TAF1C: variants seen among roughly 807,000 people sequenced by gnomAD.
The protein encoded by TAF1C is TATA-box binding protein associated factor, RNA polymerase I subunit C.
A neutral mutation model predicts 70.5 loss-of-function variants in TAF1C; 79 were observed. The observed-to-expected ratio is 1.12, with a 90% CI of 0.93 to 1.35. The LOEUF is 1.35. Among genes scored for constraint, TAF1C ranks in the 40% most tolerant of loss-of-function variants. TAF1C has a pLI of 0.00. For synonymous variants in TAF1C, 614 were observed against 491.1 expected (o/e 1.25, Z -3.31); for missense variants, 1,412 against 1,127.8 (o/e 1.25, Z -3.61).
Position 84,178,954 on chromosome 16 carries a change from C to T in TAF1C, c.2519G>A (p.Arg840Gln), listed in dbSNP as rs769131338. Residue 840 changes from arginine (R) to glutamine (Q), a missense_variant, in exon 15 of 15, where the codon CGA becomes CAA. Coordinates refer to ENST00000566732, the MANE Select transcript of TAF1C (RefSeq NM_001243156.2). ...SSSQPLRKKP[R>Q]MGF ...CACCTTGTGTCCTCAGAAGCCCATTCGAGGCTTCTTCCGGAGGGGCTGAGA... is the reference window on the plus strand; with the variant it reads ...CACCTTGTGTCCTCAGAAGCCCATTTGAGGCTTCTTCCGGAGGGGCTGAGA... 1.4e-5 allele frequency: 23 copies of T among 1,606,434 alleles called. 1 individual carries two copies. The highest frequency in any genetic ancestry group is 4.5e-5 in the East Asian group (2 of 44,864).
chr16:84,180,010 T>C lies in TAF1C; in HGVS notation c.1557A>G (p.Ala519=), dbSNP rs775928471. 3 of 1,611,842 alleles carry C rather than the reference T, an allele frequency of 1.9e-6. No homozygotes were observed. The highest frequency in any genetic ancestry group is 1.3e-5 in the African/African-American group (1 of 74,952). ...SLPSRIDSLP[A]FPLLEPKIQW... ...GGATCTTAGGCTCCAGCAGAGGAAA[T>C]GCAGGGAGGGAGTCGATCCTGGAAG... The change falls in exon 14 of 15, where the codon GCA becomes GCG. Residue 519 remains alanine (A), a synonymous_variant. Transcript: ENST00000566732.
Position 84,183,145 on chromosome 16 carries a change from C to T in TAF1C, c.413G>A (p.Arg138His), listed in dbSNP as rs762636771. 30 of 1,613,938 alleles carry T rather than the reference C, an allele frequency of 1.9e-5. No individual in the cohort carries two copies. The highest frequency in any genetic ancestry group is 1.1e-4 in the African/African-American group (8 of 74,912). Reference sequence around the variant, plus strand: ...ACTGACCACTGTCTTCTTCTTAGTGCGGCTCTGCATGGAAAGGCCTTGTCA... The same window carrying T: ...ACTGACCACTGTCTTCTTCTTAGTGTGGCTCTGCATGGAAAGGCCTTGTCA... Reference protein sequence around the residue: ...ENFKLEGAGSRTKKKTVVSVK... With the variant: ...ENFKLEGAGSHTKKKTVVSVK... The change falls in exon 6 of 15, where the codon CGC becomes CAC. Residue 138 changes from arginine to histidine, a missense_variant. Arg to His is a conservative substitution (Grantham distance 29). Coordinates refer to ENST00000566732, the MANE Select transcript of TAF1C (RefSeq NM_001243156.2).
In TAF1C at chr16:84,183,181, C is replaced by G. The variant is rs778404059; in HGVS notation, c.409-32G>C. The G allele has an allele frequency of 1.1e-5, 17 of 1,613,886 alleles. No individual in the cohort carries two copies. The East Asian group carries it at 3.8e-4, about 36-fold the overall frequency. On this transcript the variant is annotated intron_variant, in intron 5 of 14. Transcript: ENST00000566732. Reference sequence around the variant, plus strand: ...GGAAAGGCCTTGTCAGGCTCACACACCCTCGAGTTCACCCCTGAAGGACAG... The same window carrying G: ...GGAAAGGCCTTGTCAGGCTCACACAGCCTCGAGTTCACCCCTGAAGGACAG...
At position 84,178,140 on chromosome 16, in the gene TAF1C, A is replaced by G. The variant is rs149804656; in HGVS notation, c.*801T>C. The G allele has an allele frequency of 4.7e-3, 1,867 of 397,796 alleles. 10 individuals carry two copies. Among genetic ancestry groups the G allele is most frequent in the South Asian group, 0.013 (633 of 48,584 alleles). 24.6% of individuals were successfully genotyped at this position (397,796 alleles called of 1,614,324 possible). A position where few individuals can be genotyped will look rare whatever the true frequency, so the allele number is the denominator to read the frequency against. ...GGAAGAGGGACTTGATGCTTTAGAC[A>G]TCAAAATGAGAAGGGGAGGGAGGAA... On this transcript the variant is annotated 3_prime_UTR_variant, in exon 15 of 15. Transcript: ENST00000566732.
At position 84,179,555 on chromosome 16, in the gene TAF1C, T is replaced by C. The variant is rs528843753; in HGVS notation, c.1918A>G (p.Ser640Gly). The change falls in exon 15 of 15, where the codon AGC (serine) becomes GGC (glycine). Residue 640 changes from serine to glycine, a missense_variant. Coordinates refer to ENST00000566732, the MANE Select transcript of TAF1C (RefSeq NM_001243156.2). ...TCTTCCTCCCTCCGCAGCTCTGTGC[T>C]GCCCAGCATCTGGCGGTGGGTGAAG... The part of the protein sequence containing the change: ...PTFTHRQMLG[S>G]TELRREEEEG... The C allele has an allele frequency of 2.0e-5, 32 of 1,612,428 alleles. No homozygotes were observed. In the East Asian group the frequency reaches 6.7e-4, roughly 34 times the overall value.
Position 84,183,161 on chromosome 16 carries a change from G to C in TAF1C, c.409-12C>G. Reference sequence around the variant, plus strand: ...TTCTTAGTGCGGCTCTGCATGGAAAGGCCTTGTCAGGCTCACACACCCTCG... The same window carrying C: ...TTCTTAGTGCGGCTCTGCATGGAAACGCCTTGTCAGGCTCACACACCCTCG... On this transcript the variant is annotated splice_polypyrimidine_tract_variant and intron_variant, in intron 5 of 14. Coordinates refer to ENST00000566732, the MANE Select transcript of TAF1C (RefSeq NM_001243156.2). 5 of 1,613,988 alleles carry C rather than the reference G, an allele frequency of 3.1e-6. No homozygotes were observed. Among genetic ancestry groups the C allele is most frequent in the Non-Finnish European group, 4.2e-6 (5 of 1,180,014 alleles).
intron 1 of TAF1C, chr16:84,185,266 G>A (rs1254564662): frequency 1.2e-5 from 4 of 341,750 alleles, no homozygotes; most frequent in Non-Finnish European, 1.6e-5. Flanking sequence ...GGTGGCGTTT[G>A]AGCACAGCCT....
Position 84,183,329 on chromosome 16 carries a change from C to A in TAF1C, c.323G>T (p.Ser108Ile). Reference sequence around the variant, plus strand: ...GTCTCCATGATCCAAGAGGAACCGGCTGATCTGGGGAGAAGAGGAGGCCAG... The same window carrying A: ...GTCTCCATGATCCAAGAGGAACCGGATGATCTGGGGAGAAGAGGAGGCCAG... ...RVVLDVTEQI[S>I]RFLLDHGDVA... The change falls in exon 5 of 15, where the codon AGC (serine) becomes ATC (isoleucine). Residue 108 changes from serine to isoleucine, a missense_variant. Ser to Ile is a moderately radical substitution (Grantham distance 142). Transcript: ENST00000566732. 6.2e-7 allele frequency: 1 copy of A among 1,614,010 alleles called. No individual in the cohort carries two copies. Among genetic ancestry groups the A allele is most frequent in the African/African-American group, 1.3e-5 (1 of 75,058 alleles).
rs1212731279 is a variant in TAF1C, at chr16:84,180,304, G to A, written c.1349C>T (p.Pro450Leu). The part of the protein sequence containing the change: ...YLVDERLPLV[P>L]MLKWNHGLPS... ...GAGGCCATGGTTCCACTTCAGCATC[G>A]GCACCAGGGGAAGGCGCTCGTCCAC... is the stretch of plus-strand genomic sequence containing the variant. The change falls in exon 13 of 15, where the codon CCG becomes CTG. Residue 450 changes from proline (P) to leucine (L), a missense_variant. By Grantham distance (98) the Pro-to-Leu change is moderately conservative. Coordinates refer to ENST00000566732, the MANE Select transcript of TAF1C (RefSeq NM_001243156.2). 5.8e-6 allele frequency: 9 copies of A among 1,548,102 alleles called. No individual in the cohort carries two copies. Among genetic ancestry groups the A allele is most frequent in the East Asian group, 2.4e-5 (1 of 41,104 alleles).
intron 12 of TAF1C, chr16:84,180,829 TCTA>T: frequency 7.3e-7 from 1 of 1,362,588 alleles, no homozygotes; most frequent in Non-Finnish European, 9.4e-7. Flanking sequence ...ACCTCGAAGC[TCTA>T]CTAAGGGGAG....
chr16:84,180,698 G>T, intron 12 of TAF1C: 1 of 883,586 alleles, frequency 1.1e-6, no homozygotes, highest in Non-Finnish European at 1.6e-6. Flanking sequence ...GTCCCCGGGA[G>T]GGCGGGTGGA....
Position 84,178,852 on chromosome 16 carries a change from T to C in TAF1C, c.*89A>G, listed in dbSNP as rs2088897548. ...GCCTCCAGAAGGTGGCGAGCTCTGCTTCTCAAGTTTCAACTGTGGAAGGCA... is the reference window on the plus strand; with the variant it reads ...GCCTCCAGAAGGTGGCGAGCTCTGCCTCTCAAGTTTCAACTGTGGAAGGCA... On this transcript the variant is annotated 3_prime_UTR_variant, in exon 15 of 15. Coordinates refer to ENST00000566732, the MANE Select transcript of TAF1C (RefSeq NM_001243156.2). The C allele has an allele frequency of 2.1e-6, 3 of 1,423,256 alleles. No individual in the cohort carries two copies. Among genetic ancestry groups the C allele is most frequent in the Non-Finnish European group, 2.8e-6 (3 of 1,064,060 alleles). 88.2% of individuals were successfully genotyped at this position (1,423,256 alleles called of 1,614,324 possible). A position where few individuals can be genotyped will look rare whatever the true frequency, so the allele number is the denominator to read the frequency against.
At chr16:84,181,293 G>A (rs1231769582) in intron 11 of TAF1C, 35 bp downstream of exon 11, 19 of 1,608,518 alleles carry the variant, frequency 1.2e-5, no homozygotes, top group South Asian at 3.3e-5. Context: ...GGCCGCTCCC[G>A]CAGTCGGGGT....
At chr16:84,183,628 C>G (rs1020677474) in intron 3 of TAF1C, 69 bp downstream of exon 3, 109 of 1,555,558 alleles carry the variant, frequency 7.0e-5, no homozygotes, top group Non-Finnish European at 9.1e-5. Flanking sequence ...AGGAAGGTCT[C>G]AGGAGCGGGA....
rs1261645758 is a variant in TAF1C at position 84,186,989 on chromosome 16, G to C, written c.-161C>G. The C allele has an allele frequency of 6.6e-6, 1 of 152,194 alleles. No homozygotes were observed. Among genetic ancestry groups the C allele is most frequent in the African/African-American group, 2.4e-5 (1 of 41,452 alleles). The allele number at this position is 152,194 out of a possible 1,614,324, so 9.4% of individuals were successfully genotyped here. A position where few individuals can be genotyped will look rare whatever the true frequency, so the allele number is the denominator to read the frequency against. ...GGCACCACGAGGGAAATCTCAAGTA[G>C]AACCCCAGCTTTGGCACTCGGGACG... On this transcript the variant is annotated 5_prime_UTR_variant, in exon 1 of 15. Transcript: ENST00000566732.
rs1331656445 is a variant in TAF1C, at chr16:84,179,913, C to G, written c.1621+33G>C. On this transcript the variant is annotated intron_variant, in intron 14 of 14. Transcript: ENST00000566732. Reference sequence around the variant, plus strand: ...CGGGGGGAGGGGATGTTTTCCACTGCGCCCCCCAAGCTCACTCCCCCACCC... The same window carrying G: ...CGGGGGGAGGGGATGTTTTCCACTGGGCCCCCCAAGCTCACTCCCCCACCC... 5 of 1,603,790 alleles carry G rather than the reference C, an allele frequency of 3.1e-6. No individual in the cohort carries two copies. The African/African-American group carries it at 4.0e-5, about 13-fold the overall frequency.
At position 84,181,578 on chromosome 16, in the gene TAF1C, G is replaced by T. The variant is rs779057060; in HGVS notation, c.1028+14C>A. On this transcript the variant is annotated intron_variant, in intron 10 of 14. Transcript: ENST00000566732. ...GTTCGTTAGGGTGGGGGGTTTCACA[G>T]GAAGCGGCGATACCCATCCTCAGGG... is the stretch of plus-strand genomic sequence containing the variant. The T allele has an allele frequency of 4.5e-5, 73 of 1,613,860 alleles. No homozygotes were observed. The highest frequency in any genetic ancestry group is 8.5e-7 in the Non-Finnish European group (1 of 1,179,996).
Position 84,179,208 on chromosome 16 carries a change from T to G in TAF1C, c.2265A>C (p.Pro755=). ...GGGGCAGGGGCAGAGCATCAGCAGG[T>G]GGCCACTCAGGGCTATGAGGGGAGC... ...DTSSPHSPEW[P]PADALPLPPT... is the part of the protein sequence containing the mutation. The change falls in exon 15 of 15, where the codon CCA becomes CCC. Residue 755 remains proline, a synonymous_variant. Coordinates refer to ENST00000566732, the MANE Select transcript of TAF1C (RefSeq NM_001243156.2). 1 of 1,586,350 alleles carries G rather than the reference T, an allele frequency of 6.3e-7. No homozygotes were observed. Among genetic ancestry groups the G allele is most frequent in the East Asian group, 2.3e-5 (1 of 44,212 alleles).
rs2089249511 is a variant in TAF1C at position 84,182,337 on chromosome 16, C to T, written c.586G>A (p.Glu196Lys). 5 of 1,612,624 alleles carry T rather than the reference C, an allele frequency of 3.1e-6. No homozygotes were observed. Among genetic ancestry groups the T allele is most frequent in the Non-Finnish European group, 4.2e-6 (5 of 1,179,824 alleles). The change falls in exon 7 of 15, where the codon GAG becomes AAG. Residue 196 changes from glutamate (E) to lysine (K), a missense_variant. Transcript: ENST00000566732. This position sits in a 1 kb window ranked among gnomAD's most constrained non-coding sequence, Gnocchi z 5.0. ...TGCTCCCACCGCAGCACCAGCTCCT[C>T]GTGCAGCAGCTCTGCCAAGTGGCTC... ...VASHLAELLH[E>K]ELVLRWEQLL...
Sources: allele counts gnomAD v4.1 joint callset, GRCh38; gene constraint gnomAD v4.1.1; non-coding constraint Gnocchi (gnomAD v3.1); transcripts MANE v1.5; gene names NCBI Gene and HGNC (gene_info 2026-07-23, HGNC 2026-07-21).